Variants in TNN observed in about 807,000 individuals in gnomAD.
TNN encodes tenascin N, also known as tenascin-N.
TNN carries 122 observed loss-of-function variants against 134.4 expected under a neutral mutation model. The observed-to-expected ratio is 0.91, with a 90% confidence interval of 0.78 to 1.06. The LOEUF (loss-of-function observed/expected upper bound fraction) is 1.06. Ranked by LOEUF, TNN falls within the 50% of genes least tolerant of loss-of-function variation. TNN has a pLI of 0.00. For synonymous variants in TNN, 710 were observed against 670.3 expected (o/e 1.06, Z -0.91); for missense variants, 1,739 against 1,699.4 (o/e 1.02, Z -0.41).
chr1:175,073,019 T>G (rs1240810393), intron 1 of TNN, among the ~76,000 whole-genome samples: 3 of 83,412 alleles, frequency 3.6e-5, no homozygotes, highest in Admixed American at 3.4e-4. Flanking sequence ...GGGTGGGGGG[T>G]CGGATGGAAA....
chr1:175,109,193 A>G (rs926050270), intron 9 of TNN, among the ~76,000 whole-genome samples: 4 of 136,312 alleles, frequency 2.9e-5, no homozygotes, highest in Non-Finnish European at 6.1e-5. Context: ...GGTTCACGCC[A>G]TTCTCCTGCC....
intron 17 of TNN, among the ~76,000 whole-genome samples, chr1:175,140,071 CTG>C (rs758460260): frequency 3.9e-5 from 6 of 152,246 alleles, no homozygotes; most frequent in Non-Finnish European, 7.3e-5. Context: ...ACTAAGCACA[CTG>C]TCCATATCCT....
At chr1:175,126,546 A>C (rs932128292) in intron 12 of TNN, among the ~76,000 whole-genome samples, 1 of 152,190 alleles carries the variant, frequency 6.6e-6, no homozygotes, top group African/African-American at 2.4e-5. Flanking sequence ...GCAACTTTCC[A>C]GGCGGGCCAA....
chr1:175,108,756 G>A (rs188965714), intron 9 of TNN, among the ~76,000 whole-genome samples: 352 of 151,514 alleles, frequency 2.3e-3, no homozygotes, highest in African/African-American at 8.0e-3. Flanking sequence ...CTCTGAGTGC[G>A]GGGCCCTCCA....
At chr1:175,091,985 T>C (rs962522576) in intron 6 of TNN, among the ~76,000 whole-genome samples, 6 of 152,102 alleles carry the variant, frequency 3.9e-5, no homozygotes, top group Non-Finnish European at 7.4e-5. Flanking sequence ...AGCACCAATC[T>C]GGGGCAGGGA....
chr1:175,109,601 C>A (rs1336372620), intron 9 of TNN, among the ~76,000 whole-genome samples: 1 of 151,282 alleles, frequency 6.6e-6, no homozygotes, highest in African/African-American at 2.4e-5. Context: ...TGTGTTGCTG[C>A]AAAGGAAAGG....
intron 6 of TNN, among the ~76,000 whole-genome samples, chr1:175,093,276 A>G (rs1430584907): frequency 6.6e-6 from 1 of 152,180 alleles, no homozygotes; most frequent in Non-Finnish European, 1.5e-5. Flanking sequence ...TCAAAGAAAA[A>G]ATGAGAGATT....
chr1:175,098,294 C>T (rs1674622890), intron 8 of TNN, 38 bp from the exon 9 acceptor site: 3 of 1,613,704 alleles, frequency 1.9e-6, no homozygotes, highest in African/African-American at 2.7e-5. Context: ...TCTTCCATGG[C>T]TTCAGAGCTT....
At chr1:175,076,740 G>A (rs907565103) in intron 1 of TNN, among the ~76,000 whole-genome samples, 7 of 152,192 alleles carry the variant, frequency 4.6e-5, no homozygotes, top group Non-Finnish European at 1.0e-4. Flanking sequence ...TCTCATCTGT[G>A]CAAAGCAGCA....
At position 175,128,125 on chromosome 1, in the gene TNN, G is replaced by A. The variant is rs1369196404; in HGVS notation, c.3139G>A (p.Gly1047Ser). ...YPVSLVAFKGGRRSRNVSTTL... is the reference protein window; with the variant it reads ...YPVSLVAFKGSRRSRNVSTTL... Reference sequence around the variant, plus strand: ...TGTCTCCCTTGTTGCCTTTAAGGGTGGTCGCCGGAGCAGAAATGTATCCAC... The same window carrying A: ...TGTCTCCCTTGTTGCCTTTAAGGGTAGTCGCCGGAGCAGAAATGTATCCAC... The change falls in exon 14 of 19, where the codon GGT becomes AGT. Residue 1047 changes from glycine (G) to serine (S), a missense_variant. By Grantham distance (56) the Gly-to-Ser change is moderately conservative. Coordinates refer to ENST00000239462, the MANE Select transcript of TNN (RefSeq NM_022093.2). 4 of 1,612,382 alleles carry A rather than the reference G, an allele frequency of 2.5e-6. No individual in the cohort carries two copies. The highest frequency in any genetic ancestry group is 4.5e-5 in the East Asian group (2 of 44,834).
intron 15 of TNN, among the ~76,000 whole-genome samples, chr1:175,130,293 C>A (rs1174439171): frequency 2.6e-5 from 4 of 152,214 alleles, no homozygotes; most frequent in African/African-American, 7.2e-5. Context: ...TAAAAAGATA[C>A]CATCTGATGA....
chr1:175,144,004 A>G (rs560463981), intron 17 of TNN, among the ~76,000 whole-genome samples: 1 of 152,058 alleles, frequency 6.6e-6, no homozygotes, highest in East Asian at 1.9e-4. Flanking sequence ...TCCAGGTTCC[A>G]GGTCTGGGTG....
rs772006145 is a variant in TNN at position 175,116,968 on chromosome 1, G to A, written c.2149G>A (p.Asp717Asn). The change falls in exon 10 of 19, where the codon GAC becomes AAC. Residue 717 changes from aspartate to asparagine, a missense_variant. Coordinates refer to ENST00000239462, the MANE Select transcript of TNN (RefSeq NM_022093.2). The stretch of plus-strand genomic sequence containing the variant: ...TGACAGCCCCCAAAACCTGGTGACC[G>A]ACCGGGTGACAGAGAATATGGCCAC... ...DIDSPQNLVT[D>N]RVTENMATVS... is the part of the protein sequence containing the mutation. 19 of 1,614,010 alleles carry A rather than the reference G, an allele frequency of 1.2e-5. No homozygotes were observed. Among genetic ancestry groups the A allele is most frequent in the South Asian group, 8.8e-5 (8 of 91,084 alleles).
intron 12 of TNN, 39 bp downstream of exon 12, chr1:175,123,702 T>C: frequency 6.2e-7 from 1 of 1,610,526 alleles, no homozygotes; most frequent in Non-Finnish European, 8.5e-7. Context: ...ACCTCACACT[T>C]ATCAGGAGAG....
intron 9 of TNN, among the ~76,000 whole-genome samples, chr1:175,108,634 C>T (rs370700752): frequency 6.6e-5 from 10 of 152,372 alleles, no homozygotes; most frequent in East Asian, 5.8e-4. Context: ...AGCGAGAAAT[C>T]GAGCGTAGCG....
intron 1 of TNN, among the ~76,000 whole-genome samples, chr1:175,074,484 GAAA>G (rs55952749): frequency 8.4e-6 from 1 of 119,018 alleles, no homozygotes; most frequent in African/African-American, 2.9e-5. Flanking sequence ...GATCCTGTCT[GAAA>G]AAAAAAAAAA....
rs1041715651 is a variant in TNN at position 175,079,922 on chromosome 1, C to T, written c.784+215C>T. Among the ~76,000 whole-genome samples, 3 of 152,038 alleles carry T rather than the reference C, an allele frequency of 2.0e-5. No individual in the cohort carries two copies. The East Asian group carries it at 5.8e-4, about 29-fold the overall frequency. ...ATGCTGATGCTGCTGGTTAGAGGCC[C>T]TAACCTTGAGGACCACTGGTCTTGT... On this transcript the variant is annotated intron_variant, in intron 3 of 18. Transcript: ENST00000239462.
At chr1:175,100,796 G>A (rs941330589) in intron 9 of TNN, among the ~76,000 whole-genome samples, 3 of 152,050 alleles carry the variant, frequency 2.0e-5, no homozygotes, top group African/African-American at 7.3e-5. Context: ...ACAAACTGGT[G>A]TTAATAATGA....
At position 175,144,439 on chromosome 1, in the gene TNN, CAAT is replaced by C. The variant is rs1210238703; in HGVS notation, c.3649_3651del (p.Asn1217del). ...GGAAGTTTACAACTTTTGACAGAGACAATGATATCGCACTCAGCAACTGTGCCC... is the reference window on the plus strand; with the variant it reads ...GGAAGTTTACAACTTTTGACAGAGACGATATCGCACTCAGCAACTGTGCCC... On this transcript the variant is annotated inframe_deletion, in exon 18 of 19. Coordinates refer to ENST00000239462, the MANE Select transcript of TNN (RefSeq NM_022093.2). 2 of 1,614,180 alleles carry C rather than the reference CAAT, an allele frequency of 1.2e-6. No individual in the cohort carries two copies. Among genetic ancestry groups the C allele is most frequent in the Non-Finnish European group, 1.7e-6 (2 of 1,180,022 alleles).
Sources: gnomAD v4.1 joint callset for allele counts (sites outside exome capture counted in the v4.1 genomes callset) on GRCh38, gnomAD v4.1.1 for gene constraint, MANE v1.5 for transcripts, NCBI Gene and HGNC (gene_info 2026-07-23, HGNC 2026-07-21) for gene names.